Variants in BCL11A observed in about 807,000 individuals in gnomAD.
The protein encoded by BCL11A is B cell CLL/lymphoma 11A.
BCL11A carries 2 observed loss-of-function variants against 55.9 expected under a neutral mutation model. The observed-to-expected ratio is 0.04, with a 90% confidence interval of 0.01 to 0.11. BCL11A has a LOEUF of 0.11. BCL11A is among the 10% of genes least tolerant of loss of function. BCL11A has a pLI of 1.00. For missense variants in BCL11A, 817 were observed against 1,137.1 expected, an observed-to-expected ratio of 0.72 and a Z score of 4.05; for synonymous variants, 465 against 473.4, an observed-to-expected ratio of 0.98 and a Z score of 0.23.
intron 3 of BCL11A, among the ~76,000 whole-genome samples, chr2:60,465,399 T>TTA (rs1676543403): frequency 6.6e-6 from 1 of 152,240 alleles, no homozygotes; most frequent in Non-Finnish European, 1.5e-5. Flanking sequence ...TTACGGGGAT[T>TTA]GTTTTGATTT....
intron 2 of BCL11A, among the ~76,000 whole-genome samples, chr2:60,469,189 A>C (rs1677060442): frequency 6.6e-6 from 1 of 152,210 alleles, no homozygotes. Flanking sequence ...GGTAGCCTGG[A>C]AACATGGGGG....
Position 60,459,876 on chromosome 2 carries a change from C to T in BCL11A, c.*528G>A, listed in dbSNP as rs1232689402. 3 of 1,047,644 alleles carry T rather than the reference C, an allele frequency of 2.9e-6. No homozygotes were observed. The highest frequency in any genetic ancestry group is 3.5e-6 in the Non-Finnish European group (3 of 868,174). The allele number at this position is 1,047,644 out of a possible 1,614,324, so 64.9% of individuals were successfully genotyped here. On this transcript the variant is annotated 3_prime_UTR_variant, in exon 4 of 4. Transcript: ENST00000642384. ...ATCCAAAGACTGTTTTTCCTCCTCA[C>T]GTTATAAAATAAAACTGTACATGAT... is the stretch of plus-strand genomic sequence containing the variant.
chr2:60,552,655 A>C (rs1436682159), intron 1 of BCL11A, among the ~76,000 whole-genome samples: 1 of 152,116 alleles, frequency 6.6e-6, no homozygotes, highest in Non-Finnish European at 1.5e-5. Flanking sequence ...TGTGGGGATG[A>C]CTACTTTCCT....
chr2:60,456,800 G>C (rs1167963903), downstream of BCL11A, among the ~76,000 whole-genome samples: 2 of 152,078 alleles, frequency 1.3e-5, no homozygotes, highest in African/African-American at 4.8e-5. Context: ...ATAAAGCAAG[G>C]ATGGGAGAAT....
In BCL11A at chr2:60,462,030, C is replaced by A. The variant is rs768664219; in HGVS notation, c.882G>T (p.Pro294=). 1.4e-5 allele frequency: 23 copies of A among 1,610,590 alleles called. No individual in the cohort carries two copies. The highest frequency in any genetic ancestry group is 2.0e-5 in the Non-Finnish European group (23 of 1,178,692). Residue 294 remains proline (P), a synonymous_variant, in exon 4 of 4, where the codon CCG becomes CCT. Transcript: ENST00000642384. The part of the protein sequence containing the change: ...AEEMALATHH[P]SAFDRVLRLN... ...ACCGCAGCACCCTGTCAAAGGCACT[C>A]GGGTGATGGGTGGCCAGGGCCATCT...
In BCL11A at chr2:60,553,284, G is replaced by A. The variant is rs752874621; in HGVS notation, c.-14C>T. Reference sequence around the variant, plus strand: ...GCGGCGAGACATGGTGGGCTGCGGGGCGGGCGGCGGCGGCGGCGGCGGCGG... The same window carrying A: ...GCGGCGAGACATGGTGGGCTGCGGGACGGGCGGCGGCGGCGGCGGCGGCGG... On this transcript the variant is annotated 5_prime_UTR_variant, in exon 1 of 4. Transcript: ENST00000642384. 23 of 1,569,406 alleles carry A rather than the reference G, an allele frequency of 1.5e-5. No homozygotes were observed. In the South Asian group the frequency reaches 2.2e-4, roughly 15 times the overall value.
intron 1 of BCL11A, among the ~76,000 whole-genome samples, chr2:60,548,327 A>AATC (rs1670243132): frequency 7.2e-6 from 1 of 138,818 alleles, no homozygotes; most frequent in African/African-American, 2.9e-5. Flanking sequence ...CACCGTTAAG[A>AATC]TTCTTTTTTT....
rs753955819 is a variant in BCL11A, at chr2:60,461,063, G to T, written c.1849C>A (p.Leu617Met). 21 of 1,603,298 alleles carry T rather than the reference G, an allele frequency of 1.3e-5. No individual in the cohort carries two copies. The South Asian group carries it at 2.3e-4, about 18-fold the overall frequency. ...CTGCCCAGCAGCAGCTTTTTGGACA[G>T]GCCCCCCGAGGCCGACTCGCCCGGG... Reference protein sequence around the residue: ...CSPGESASGGLSKKLLLGSPS... With the variant: ...CSPGESASGGMSKKLLLGSPS... The change falls in exon 4 of 4, where the codon CTG becomes ATG. Residue 617 changes from leucine to methionine, a missense_variant. Physicochemically the swap from Leu to Met is conservative, Grantham distance 15. This residue lies in a region of BCL11A where 379 missense variants were observed against 425.3 expected (regional missense o/e 0.89). Transcript: ENST00000642384.
chr2:60,515,927 A>G (rs1573041496), intron 2 of BCL11A, among the ~76,000 whole-genome samples: 1 of 152,320 alleles, frequency 6.6e-6, no homozygotes. Context: ...GAAAGATCCA[A>G]TAAGGGAATA....
At chr2:60,515,951 G>A (rs377343570) in intron 2 of BCL11A, among the ~76,000 whole-genome samples, 51 of 152,334 alleles carry the variant, frequency 3.3e-4, no homozygotes, top group African/African-American at 1.1e-3. Flanking sequence ...TCTGGGCACC[G>A]CTGGGCCAAC....
At chr2:60,496,929 C>G (rs1354098352) in intron 2 of BCL11A, among the ~76,000 whole-genome samples, 1 of 152,202 alleles carries the variant, frequency 6.6e-6, no homozygotes, top group Non-Finnish European at 1.5e-5. Context: ...CATGGACAGT[C>G]ATAAGAGATG....
chr2:60,474,587 C>T (rs1156740717), intron 2 of BCL11A, among the ~76,000 whole-genome samples: 1 of 152,172 alleles, frequency 6.6e-6, no homozygotes, highest in African/African-American at 2.4e-5. Context: ...CTTAGAATGG[C>T]GGAACTTATC....
In BCL11A at chr2:60,457,937, CT is replaced by C; in HGVS notation, c.*2466del. The C allele has an allele frequency of 6.8e-6, 7 of 1,036,652 alleles. No individual in the cohort carries two copies. The highest frequency in any genetic ancestry group is 8.1e-6 in the Non-Finnish European group (7 of 861,248). 64.2% of individuals were successfully genotyped at this position (1,036,652 alleles called of 1,614,324 possible). A position where few individuals can be genotyped will look rare whatever the true frequency, so the allele number is the denominator to read the frequency against. ...ATGGCTTCTCATCTGTAATGTCACACTTTTTTGTTTCTCTCTTTTTTTTTTT... is the reference window on the plus strand; with the variant it reads ...ATGGCTTCTCATCTGTAATGTCACACTTTTTGTTTCTCTCTTTTTTTTTTT... On this transcript the variant is annotated 3_prime_UTR_variant, in exon 4 of 4. Transcript: ENST00000642384.
chr2:60,497,290 A>T (rs549651848), intron 2 of BCL11A, among the ~76,000 whole-genome samples: 6 of 152,218 alleles, frequency 3.9e-5, no homozygotes, highest in African/African-American at 1.4e-4. Context: ...AGAGGGGGGA[A>T]AATCTTTTGT....
At chr2:60,525,130 T>G (rs1669150385) in intron 2 of BCL11A, 1 of 152,208 alleles carries the variant, frequency 6.6e-6, no homozygotes, top group South Asian at 2.1e-4. Context: ...AACCAGCTTT[T>G]GGGAGGAGGA....
intron 2 of BCL11A, among the ~76,000 whole-genome samples, chr2:60,502,489 C>T (rs540706325): frequency 6.6e-6 from 1 of 152,334 alleles, no homozygotes; most frequent in African/African-American, 2.4e-5. Context: ...TGCCATCACA[C>T]ACTTTGTACA....
chr2:60,486,563 G>A (rs543487640), intron 2 of BCL11A, among the ~76,000 whole-genome samples: 2 of 152,322 alleles, frequency 1.3e-5, no homozygotes, highest in Non-Finnish European at 2.9e-5. Context: ...CCTATCCACA[G>A]ACCACAGCCC....
intron 2 of BCL11A, among the ~76,000 whole-genome samples, chr2:60,505,999 G>A (rs1679569572): frequency 6.6e-6 from 1 of 152,224 alleles, no homozygotes; most frequent in Non-Finnish European, 1.5e-5. Flanking sequence ...ATAGGGCTTT[G>A]CAGGGTATGG....
chr2:60,461,117 C>T lies in BCL11A; in HGVS notation c.1795G>A (p.Asp599Asn), dbSNP rs768112365. 164 of 1,608,756 alleles carry T rather than the reference C, an allele frequency of 1.0e-4. No individual in the cohort carries two copies. The highest frequency in any genetic ancestry group is 1.1e-4 in the Non-Finnish European group (133 of 1,178,056). Reference sequence around the variant, plus strand: ...CAGCCGCGGCCATTAACAGTGCCATCGTCTATGCGGTCCGACTCGCCGGCC... The same window carrying T: ...CAGCCGCGGCCATTAACAGTGCCATTGTCTATGCGGTCCGACTCGCCGGCC... ...SVAGESDRIDDGTVNGRGCSP... is the reference protein window; with the variant it reads ...SVAGESDRIDNGTVNGRGCSP... Residue 599 changes from aspartate (D) to asparagine (N), a missense_variant, in exon 4 of 4, where the codon GAT (aspartate) becomes AAT (asparagine). Around this residue, in one of 4 missense-constraint regions of BCL11A, gnomAD observed 379 missense variants for 425.3 expected, o/e 0.89. Coordinates refer to ENST00000642384, the MANE Select transcript of BCL11A (RefSeq NM_022893.4).
Sources: gnomAD v4.1 joint callset for allele counts (sites outside exome capture counted in the v4.1 genomes callset) on GRCh38, gnomAD v4.1.1 for gene constraint, gnomAD v4.1.1 regional missense constraint, MANE v1.5 for transcripts, NCBI Gene and HGNC (gene_info 2026-07-23, HGNC 2026-07-21) for gene names.